The following ADNP2 variants were observed in gnomAD, a reference collection of about 807,000 sequenced individuals.
ADNP2 encodes the protein activity-dependent neuroprotector homeobox protein 2.
Under a neutral mutation model 16.4 loss-of-function variants are expected in ADNP2, and 8 were observed. The observed-to-expected ratio is 0.49, with a 90% CI of 0.29 to 0.88. The LOEUF (loss-of-function observed/expected upper bound fraction) is 0.88. Among genes scored for constraint, ADNP2 ranks in the 40% least tolerant of loss-of-function variants. ADNP2 has a pLI of 0.09. For synonymous variants in ADNP2, 637 were observed against 545.8 expected (o/e 1.17, Z -2.33); for missense variants, 1,397 against 1,395.1 (o/e 1.00, Z -0.02).
At chr18:80,122,858 A>G (rs958050933) in intron 2 of ADNP2, among the ~76,000 whole-genome samples, 1 of 152,216 alleles carries the variant, frequency 6.6e-6, no homozygotes, top group African/African-American at 2.4e-5. Flanking sequence ...TGTGGCAGCA[A>G]TGAAAGTGGG....
rs369869130 is a variant in ADNP2, at chr18:80,131,827, C to T, written c.109-1276C>T. 2.5e-4 allele frequency among the ~76,000 whole-genome samples: 36 copies of T among 143,738 alleles called. No homozygotes were observed. The South Asian group carries it at 3.7e-3, about 15-fold the overall frequency. 94.3% of individuals were successfully genotyped at this position (143,738 alleles called of 152,430 possible). A position where few individuals can be genotyped will look rare whatever the true frequency, so the allele number is the denominator to read the frequency against. ...GAACACTTGGACACAGGGCAGGGAA[C>T]ATCACACACTCGGGCCTGTCATGGG... On this transcript the variant is annotated intron_variant, in intron 2 of 3. Transcript: ENST00000262198.
At chr18:80,128,148 T>C (rs1047008250) in intron 2 of ADNP2, among the ~76,000 whole-genome samples, 2 of 152,384 alleles carry the variant, frequency 1.3e-5, no homozygotes, top group African/African-American at 2.4e-5. Flanking sequence ...TCTGCTGCTC[T>C]AGCAGCATCT....
At chr18:80,111,691 C>T (rs770368202) in intron 1 of ADNP2, among the ~76,000 whole-genome samples, 2 of 151,482 alleles carry the variant, frequency 1.3e-5, no homozygotes, top group Non-Finnish European at 2.9e-5. Context: ...CTCAGCGTCC[C>T]GAGTAGGACC....
chr18:80,132,685 C>T (rs1039832470), intron 2 of ADNP2, among the ~76,000 whole-genome samples: 6 of 146,792 alleles, frequency 4.1e-5, no homozygotes, highest in African/African-American at 1.5e-4. Flanking sequence ...CCTCCCCTCT[C>T]TCCTCTCCCC....
chr18:80,114,428 A>G (rs778635494), intron 1 of ADNP2, among the ~76,000 whole-genome samples: 108 of 152,192 alleles, frequency 7.1e-4, no homozygotes, highest in Non-Finnish European at 9.7e-4. Flanking sequence ...TATAGCCTAC[A>G]CATTTAAATT....
In ADNP2 at chr18:80,118,617, G is replaced by A. The variant is rs372075118; in HGVS notation, c.108+967G>A. On this transcript the variant is annotated intron_variant, in intron 2 of 3. Transcript: ENST00000262198. ...ATTCAATCTTTTAAGGTGGAATTCT[G>A]TTAGGAAATTTGTTTTATTTTTAAG... Among the ~76,000 whole-genome samples the A allele has an allele frequency of 1.1e-3, 160 of 152,214 alleles. No homozygotes were observed. In the South Asian group the frequency reaches 0.027, roughly 26 times the overall value.
intron 2 of ADNP2, among the ~76,000 whole-genome samples, chr18:80,129,941 G>A (rs1318851937): frequency 6.6e-6 from 1 of 152,160 alleles, no homozygotes; most frequent in Non-Finnish European, 1.5e-5. Flanking sequence ...GGGACTGTTT[G>A]GTTTCTCTGA....
chr18:80,123,779 G>T (rs1296702582), intron 2 of ADNP2, among the ~76,000 whole-genome samples: 3 of 151,452 alleles, frequency 2.0e-5, no homozygotes, highest in Admixed American at 2.0e-4. Context: ...GCCCAGGCTG[G>T]AGTGCAGTGG....
Position 80,137,282 on chromosome 18 carries a change from T to G in ADNP2, c.1869T>G (p.Thr623=), listed in dbSNP as rs748275402. The G allele has an allele frequency of 3.1e-6, 5 of 1,614,034 alleles. No homozygotes were observed. The East Asian group carries it at 1.1e-4, about 36-fold the overall frequency. ...ACACGCTGGCCCCCGTGTCTGTCAC[T>G]CTGCCGGTTCCCCCTGGAGGCCTTG... The part of the protein sequence containing the change: ...PTYTLAPVSV[T]LPVPPGGLAT... The change falls in exon 4 of 4, where the codon ACT becomes ACG. Residue 623 remains threonine, a synonymous_variant. Coordinates refer to ENST00000262198, the MANE Select transcript of ADNP2 (RefSeq NM_014913.4). The surrounding 1 kb of genome is among the most constrained non-coding windows in gnomAD (Gnocchi z 4.2).
At chr18:80,125,184 C>A (rs1364610627) in intron 2 of ADNP2, among the ~76,000 whole-genome samples, 1 of 152,164 alleles carries the variant, frequency 6.6e-6, no homozygotes, top group African/African-American at 2.4e-5. Context: ...CAGGGGTTGG[C>A]AAACTATAGC....
chr18:80,124,404 C>T (rs1285731332), intron 2 of ADNP2, among the ~76,000 whole-genome samples: 1 of 152,140 alleles, frequency 6.6e-6, no homozygotes, highest in Admixed American at 6.5e-5. Flanking sequence ...GTCAGAGTGG[C>T]TTACCAAACT....
At chr18:80,127,206 T>A (rs2052464887) in intron 2 of ADNP2, among the ~76,000 whole-genome samples, 1 of 152,180 alleles carries the variant, frequency 6.6e-6, no homozygotes, top group Admixed American at 6.5e-5. Context: ...TATGTAGCGT[T>A]TGGCACTGTC....
At chr18:80,112,856 A>G (rs1166356440) in intron 1 of ADNP2, among the ~76,000 whole-genome samples, 1 of 152,216 alleles carries the variant, frequency 6.6e-6, no homozygotes, top group Admixed American at 6.5e-5. Flanking sequence ...TGGAAGCAGT[A>G]AATTTAGCTT....
At chr18:80,127,343 T>TTTG (rs1555729672) in intron 2 of ADNP2, among the ~76,000 whole-genome samples, 4 of 149,492 alleles carry the variant, frequency 2.7e-5, no homozygotes, top group African/African-American at 9.8e-5. Context: ...TTTTCAGTTT[T>TTTG]TTTTTTTTTT....
intron 2 of ADNP2, among the ~76,000 whole-genome samples, chr18:80,124,636 A>T (rs1293924861): frequency 6.6e-6 from 1 of 152,054 alleles, no homozygotes; most frequent in Non-Finnish European, 1.5e-5. Flanking sequence ...TTATGCAGGC[A>T]TGATTGATTA....
chr18:80,113,215 T>A (rs1378551848), intron 1 of ADNP2, among the ~76,000 whole-genome samples: 4 of 152,168 alleles, frequency 2.6e-5, no homozygotes, highest in Non-Finnish European at 4.4e-5. Context: ...ATAAAGAAAA[T>A]TTTTAAATTT....
chr18:80,118,426 T>C (rs1452226591), intron 2 of ADNP2, among the ~76,000 whole-genome samples: 12 of 146,098 alleles, frequency 8.2e-5, no homozygotes, highest in Non-Finnish European at 1.8e-4. Flanking sequence ...AGTGAGACTC[T>C]GTCTCAAAAA....
In ADNP2 at chr18:80,135,614, A is replaced by G; in HGVS notation, c.201A>G (p.Arg67=). The G allele has an allele frequency of 6.2e-7, 1 of 1,606,718 alleles. No homozygotes were observed. Among genetic ancestry groups the G allele is most frequent in the Non-Finnish European group, 8.5e-7 (1 of 1,175,714 alleles). ...AAGGCTTTCTTTTCTTTTAACAGAG[A>G]TATCGAACAAAGCCATACTGTTGTG... The part of the protein sequence containing the change: ...SLWEPSGKKV[R]YRTKPYCCGL... The change falls in exon 4 of 4, where the codon AGA becomes AGG. Residue 67 remains arginine, a splice_region_variant and synonymous_variant. Transcript: ENST00000262198.
rs370537801 is a variant in ADNP2, at chr18:80,135,911, G to A, written c.498G>A (p.Leu166=). 1.9e-6 allele frequency: 3 copies of A among 1,614,074 alleles called. No homozygotes were observed. The highest frequency in any genetic ancestry group is 2.2e-5 in the East Asian group (1 of 44,898). ...TAAAATGTAACTTTTCAAACACTTT[G>A]TACTACAGCATGAAGAAGCATGTGC... The part of the protein sequence containing the change: ...TCLKCNFSNT[L]YYSMKKHVLV... Residue 166 remains leucine, a synonymous_variant, in exon 4 of 4, where the codon TTG becomes TTA. Transcript: ENST00000262198.
Sources: allele counts gnomAD v4.1 joint callset (sites outside exome capture counted in the v4.1 genomes callset), GRCh38; gene constraint gnomAD v4.1.1; non-coding constraint Gnocchi (gnomAD v3.1); transcripts MANE v1.5; gene names NCBI Gene and HGNC (gene_info 2026-07-23, HGNC 2026-07-21).